Variants in IQANK1 observed in about 807,000 individuals in gnomAD.
IQANK1 encodes the protein IQ motif and ankyrin repeat containing 1, also known as IQ motif and ankyrin repeat domain-containing protein 1.
IQANK1 carries 30 observed loss-of-function variants against 22.6 expected under a neutral mutation model. The observed-to-expected ratio is 1.33, with a 90% CI of 0.99 to 1.80. The LOEUF (loss-of-function observed/expected upper bound fraction) is 1.80, where lower values mean the gene tolerates loss of function less well. Ranked by LOEUF, IQANK1 falls within the 40% of genes most tolerant of loss-of-function variation. The pLI is 0.00. For synonymous variants in IQANK1, 122 were observed against 99.6 expected (o/e 1.23, Z -1.34); for missense variants, 275 against 235.2 (o/e 1.17, Z -1.11).
chr8:143,742,067 C>T (rs1048822196), intron 3 of IQANK1: 17 of 296,950 alleles, frequency 5.7e-5, no homozygotes, highest in Non-Finnish European at 8.1e-5. Context: ...TCGCTGCGGC[C>T]GACTCTCTCT....
intron 3 of IQANK1, among the ~76,000 whole-genome samples, chr8:143,740,361 C>T (rs1402590235): frequency 1.3e-5 from 2 of 152,214 alleles, no homozygotes; most frequent in South Asian, 2.1e-4. Context: ...CCCGGATCGC[C>T]TTCTCAGGCT....
chr8:143,787,512 C>T (rs1308645431), intron 7 of IQANK1, among the ~76,000 whole-genome samples: 3 of 152,164 alleles, frequency 2.0e-5, no homozygotes, highest in Admixed American at 6.5e-5. Flanking sequence ...AAGGCCACGC[C>T]GCGCCACTGC....
chr8:143,739,787 A>C (rs57630631), intron 2 of IQANK1, 72 bp from the exon 3 acceptor site: 3 of 634,036 alleles, frequency 4.7e-6, no homozygotes, highest in African/African-American at 3.7e-5. Flanking sequence ...TCGGTGCCCC[A>C]TAAGTGTCTC....
rs137999753 is a variant in IQANK1, at chr8:143,739,895, C to A, written c.122C>A (p.Ala41Glu). 134 of 697,938 alleles carry A rather than the reference C, an allele frequency of 1.9e-4. No homozygotes were observed. The South Asian group carries it at 2.0e-3, about 10-fold the overall frequency. 43.2% of individuals were successfully genotyped at this position (697,938 alleles called of 1,614,324 possible). The change falls in exon 3 of 14, where the codon GCG (alanine) becomes GAG (glutamate). Residue 41 changes from alanine (A) to glutamate (E), a missense_variant. Ala to Glu is a moderately radical substitution (Grantham distance 107). Coordinates refer to ENST00000527139, the MANE Select transcript of IQANK1 (RefSeq NM_001381874.1). ...PGENRPPQRK[A>E]GWQAREPASA... ...GAGAACCGCCCGCCGCAGAGGAAAG[C>A]GGGCTGGCAGGCGAGGGAGCCCGCG...
chr8:143,786,504 A>T (rs1819892278), intron 7 of IQANK1, among the ~76,000 whole-genome samples: 1 of 152,256 alleles, frequency 6.6e-6, no homozygotes, highest in Non-Finnish European at 1.5e-5. Context: ...CTATATAGTC[A>T]TCTCTCCTAT....
rs988337043 is a variant in IQANK1, at chr8:143,771,157, G to T, written c.176-331G>T. ...GCAGGAGGGGCCTTCGGCTTTCAGGGAAGGGTGTCCCGCGGGGGACAGCAC... is the reference window on the plus strand; with the variant it reads ...GCAGGAGGGGCCTTCGGCTTTCAGGTAAGGGTGTCCCGCGGGGGACAGCAC... On this transcript the variant is annotated intron_variant, in intron 3 of 13. Coordinates refer to ENST00000527139, the MANE Select transcript of IQANK1 (RefSeq NM_001381874.1). The surrounding 1 kb of genome is among the most constrained non-coding windows in gnomAD (Gnocchi z 6.0). Among the ~76,000 whole-genome samples the T allele has an allele frequency of 7.2e-5, 11 of 152,246 alleles. No individual in the cohort carries two copies. The highest frequency in any genetic ancestry group is 4.4e-5 in the Non-Finnish European group (3 of 68,044).
chr8:143,769,296 G>A (rs553637748), intron 3 of IQANK1, among the ~76,000 whole-genome samples: 1 of 152,188 alleles, frequency 6.6e-6, no homozygotes, highest in South Asian at 2.1e-4. Flanking sequence ...CTGGGCTCAA[G>A]TGGTCCTCCC....
In IQANK1 at chr8:143,787,846, G is replaced by A. The variant is rs138048601; in HGVS notation, c.790-1069G>A. Among the ~76,000 whole-genome samples the A allele has an allele frequency of 3.2e-3, 481 of 152,072 alleles. 2 individuals carry two copies. The highest frequency in any genetic ancestry group is 0.011 in the African/African-American group (464 of 41,470). ...CTCACCCGCGCACCCCTAACGCAGT[G>A]CCTTCTGCTTGCTCCATGGCCCGTG... On this transcript the variant is annotated intron_variant, in intron 7 of 13. Transcript: ENST00000527139.
At chr8:143,736,119 C>T (rs1319980218) in intron 2 of IQANK1, among the ~76,000 whole-genome samples, 181 bp downstream of exon 2, 1 of 151,386 alleles carries the variant, frequency 6.6e-6, no homozygotes, top group Non-Finnish European at 1.5e-5. Context: ...ATTCATTCAT[C>T]TCAGACCTTG....
Position 143,789,243 on chromosome 8 carries a change from G to GT in IQANK1, c.993_993+1insT (p.Leu332SerfsTer7), listed in dbSNP as rs1217988838. On this transcript the variant is annotated frameshift_variant and splice_region_variant. Coordinates refer to ENST00000527139, the MANE Select transcript of IQANK1 (RefSeq NM_001381874.1). LOFTEE classifies it high-confidence loss of function. Reference sequence around the variant, plus strand: ...GGGAGCAGCAGCAGTGTCACAAGGAGGTGAGTGTGACCTCAGGGAGGAGCC... The same window carrying GT: ...GGGAGCAGCAGCAGTGTCACAAGGAGTGTGAGTGTGACCTCAGGGAGGAGCC... The GT allele has an allele frequency of 2.0e-5, 8 of 399,900 alleles. No homozygotes were observed. Among genetic ancestry groups the GT allele is most frequent in the Non-Finnish European group, 3.5e-5 (8 of 226,854 alleles). 24.8% of individuals were successfully genotyped at this position (399,900 alleles called of 1,614,324 possible). A position where few individuals can be genotyped will look rare whatever the true frequency, so the allele number is the denominator to read the frequency against.
Position 143,751,611 on chromosome 8 carries a change from C to CA in IQANK1, c.175+11677dup, listed in dbSNP as rs1184308306. On this transcript the variant is annotated intron_variant, in intron 3 of 13. Transcript: ENST00000527139. ...TGGGCAACAGAGCGAGACTTCATCTCAAAAAAAAAAAAAAGTGTGTGTGTG... is the reference window on the plus strand; with the variant it reads ...TGGGCAACAGAGCGAGACTTCATCTCAAAAAAAAAAAAAAAGTGTGTGTGTG... Among the ~76,000 whole-genome samples, 711 of 79,172 alleles carry CA rather than the reference C, an allele frequency of 9.0e-3. 10 individuals are homozygous for CA. The highest frequency in any genetic ancestry group is 0.03 in the African/African-American group (593 of 19,836). 51.9% of individuals were successfully genotyped at this position (79,172 alleles called of 152,430 possible).
intron 3 of IQANK1, among the ~76,000 whole-genome samples, chr8:143,764,875 A>G (rs1276741665): frequency 1.3e-5 from 2 of 152,194 alleles, no homozygotes; most frequent in Non-Finnish European, 2.9e-5. Flanking sequence ...TGTACAAAAG[A>G]ACATATGTAA....
intron 3 of IQANK1, among the ~76,000 whole-genome samples, chr8:143,751,662 G>GTATATA (rs1187068578): frequency 0.031 from 1,671 of 54,272 alleles, 60 homozygotes; most frequent in African/African-American, 0.071. Flanking sequence ...GTGTGTGTGT[G>GTATATA]TGTATATATA....
intron 3 of IQANK1, among the ~76,000 whole-genome samples, chr8:143,770,276 C>A (rs367916138): frequency 9.2e-4 from 140 of 152,308 alleles, no homozygotes; most frequent in African/African-American, 2.7e-3. Flanking sequence ...TCTTAAGATT[C>A]ATTTCAGGAT....
chr8:143,778,205 A>C (rs1400660655), intron 7 of IQANK1, among the ~76,000 whole-genome samples: 2 of 152,200 alleles, frequency 1.3e-5, no homozygotes, highest in African/African-American at 4.8e-5. Flanking sequence ...AAAACAAAAA[A>C]AAAAAAGATG....
At chr8:143,789,603 C>G (rs1047785694) in intron 10 of IQANK1, 75 bp downstream of exon 10, 12 of 1,227,770 alleles carry the variant, frequency 9.8e-6, no homozygotes, top group African/African-American at 1.6e-5. Context: ...GCCCAGAGCT[C>G]CCCGCTCCCA....
intron 3 of IQANK1, among the ~76,000 whole-genome samples, chr8:143,757,909 A>G (rs1294278899): frequency 1.3e-5 from 2 of 152,194 alleles, no homozygotes; most frequent in Non-Finnish European, 2.9e-5. Context: ...GGCTTGCATG[A>G]AAATGTCATT....
chr8:143,737,608 C>T (rs538617487), intron 2 of IQANK1, among the ~76,000 whole-genome samples: 136 of 152,308 alleles, frequency 8.9e-4, no homozygotes, highest in African/African-American at 3.0e-3. Flanking sequence ...ACCAACACAA[C>T]AGTCCGGGAC....
intron 2 of IQANK1, among the ~76,000 whole-genome samples, chr8:143,738,538 G>A (rs974898453): frequency 1.3e-5 from 2 of 152,194 alleles, no homozygotes; most frequent in East Asian, 1.9e-4. Flanking sequence ...GCTGACTAAC[G>A]CGCTGACACG....
Sources: gnomAD v4.1 joint callset for allele counts (sites outside exome capture counted in the v4.1 genomes callset) on GRCh38, gnomAD v4.1.1 for gene constraint, Gnocchi (gnomAD v3.1) non-coding constraint, MANE v1.5 for transcripts, NCBI Gene and HGNC (gene_info 2026-07-23, HGNC 2026-07-21) for gene names.